DPF3: variants seen among roughly 807,000 people sequenced by gnomAD.
DPF3 encodes the protein zinc finger protein DPF3.
In DPF3, 18 loss-of-function variants were observed where a neutral mutation model predicts 56.8. The ratio of observed to expected loss-of-function variants is 0.32; its 90% confidence interval spans 0.22 to 0.47. The LOEUF (loss-of-function observed/expected upper bound fraction) is 0.47, where lower values mean the gene tolerates loss of function less well. Among genes scored for constraint, DPF3 ranks in the 20% least tolerant of loss-of-function variants. The pLI is 1.00. For missense variants in DPF3, 403 were observed against 488.8 expected (o/e 0.82, Z 1.65); for synonymous variants, 188 against 180.2 (o/e 1.04, Z -0.35).
At chr14:72,809,528 A>C (rs2140014852) in intron 1 of DPF3, among the ~76,000 whole-genome samples, 2 of 152,318 alleles carry the variant, frequency 1.3e-5, no homozygotes, top group Admixed American at 1.3e-4. Flanking sequence ...AGGCCACTAC[A>C]CCAGGGAGGA....
At chr14:72,804,808 T>C (rs928805867) in intron 1 of DPF3, among the ~76,000 whole-genome samples, 1 of 152,150 alleles carries the variant, frequency 6.6e-6, no homozygotes, top group Non-Finnish European at 1.5e-5. Context: ...GGGACGTTGG[T>C]ATAAAATAGG....
chr14:72,709,262 T>C (rs1888551960), intron 6 of DPF3, among the ~76,000 whole-genome samples: 1 of 152,184 alleles, frequency 6.6e-6, no homozygotes, highest in African/African-American at 2.4e-5. Flanking sequence ...AGAGGTGGCC[T>C]TGAGAGGGCC....
chr14:72,803,507 A>T (rs1767569680), intron 1 of DPF3, among the ~76,000 whole-genome samples: 1 of 152,150 alleles, frequency 6.6e-6, no homozygotes, highest in African/African-American at 2.4e-5. Context: ...GGCCATGAAA[A>T]CCTAGTTCTG....
At chr14:72,810,019 C>A (rs1882968205) in intron 1 of DPF3, among the ~76,000 whole-genome samples, 1 of 152,168 alleles carries the variant, frequency 6.6e-6, no homozygotes, top group African/African-American at 2.4e-5. Flanking sequence ...TAGCACTGTG[C>A]CTGTACATGT....
At chr14:72,818,567 C>T (rs1883391490) in intron 1 of DPF3, among the ~76,000 whole-genome samples, 2 of 152,190 alleles carry the variant, frequency 1.3e-5, no homozygotes, top group African/African-American at 4.8e-5. Context: ...GTCCCAGCTA[C>T]ATCGCAGGCT....
rs1235554696 is a variant in DPF3 at position 72,723,672 on chromosome 14, T to C, written c.486A>G (p.Glu162=). The change falls in exon 5 of 11, where the codon GAA becomes GAG. Residue 162 remains glutamate (E), a synonymous_variant. Coordinates refer to ENST00000556509, the MANE Select transcript of DPF3 (RefSeq NM_001280542.3). ...TGTTCTTTCGCTTGGGAATATCCTCTTCCAAATCCTCTTCTTCATTCCCTT... is the reference window on the plus strand; with the variant it reads ...TGTTCTTTCGCTTGGGAATATCCTCCTCCAAATCCTCTTCTTCATTCCCTT... ...VEEGNEEEDL[E]EDIPKRKNRT... 1.9e-6 allele frequency: 3 copies of C among 1,591,038 alleles called. No homozygotes were observed. Among genetic ancestry groups the C allele is most frequent in the East Asian group, 4.6e-5 (2 of 43,842 alleles).
At chr14:72,778,532 A>G (rs1567230007) in intron 1 of DPF3, among the ~76,000 whole-genome samples, 1 of 152,210 alleles carries the variant, frequency 6.6e-6, no homozygotes, top group East Asian at 1.9e-4. Context: ...ACATATTACA[A>G]TGTAATAATA....
Position 72,614,670 on chromosome 14 carries a change from G to A in DPF3, c.*4627C>T, listed in dbSNP as rs146544322. Among the ~76,000 whole-genome samples the A allele has an allele frequency of 4.4e-4, 66 of 151,596 alleles. 1 individual carries two copies. The East Asian group carries it at 8.0e-3, about 18-fold the overall frequency. Reference sequence around the variant, plus strand: ...CTGAAACCCCACACAACCAACGGGCGGCCTCAAGAAAGAGGGAGCTGAATC... The same window carrying A: ...CTGAAACCCCACACAACCAACGGGCAGCCTCAAGAAAGAGGGAGCTGAATC... On this transcript the variant is annotated 3_prime_UTR_variant, in exon 11 of 11. Transcript: ENST00000556509.
chr14:72,750,791 C>CA (rs35754238), intron 3 of DPF3, among the ~76,000 whole-genome samples: 20,233 of 65,904 alleles, frequency 0.31, 5,889 homozygotes, highest in East Asian at 0.52. Flanking sequence ...GAAAGAATCT[C>CA]AAAAAAAAAA....
rs945238387 is a variant in DPF3 at position 72,750,528 on chromosome 14, T to A, written c.301+2736A>T. On this transcript the variant is annotated intron_variant, in intron 3 of 10. Coordinates refer to ENST00000556509, the MANE Select transcript of DPF3 (RefSeq NM_001280542.3). ...GTCCTCATATATACATGCAAAATAT[T>A]CATTGCATCACTCACTGGTTAAATT... Among the ~76,000 whole-genome samples, 8 of 152,110 alleles carry A rather than the reference T, an allele frequency of 5.3e-5. 1 individual carries two copies. The highest frequency in any genetic ancestry group is 1.9e-4 in the African/African-American group (8 of 41,424).
At chr14:72,709,654 A>G (rs1170396305) in intron 6 of DPF3, among the ~76,000 whole-genome samples, 1 of 152,150 alleles carries the variant, frequency 6.6e-6, no homozygotes, top group Non-Finnish European at 1.5e-5. Flanking sequence ...AAGATGTCCT[A>G]GGGTATGGCG....
chr14:72,825,932 G>C (rs2140042608), intron 1 of DPF3, among the ~76,000 whole-genome samples: 1 of 152,208 alleles, frequency 6.6e-6, no homozygotes, highest in Middle Eastern at 3.4e-3. Flanking sequence ...GCCCTTCTCA[G>C]AGATCAATAA....
chr14:72,705,522 A>T (rs1039000846), intron 6 of DPF3, among the ~76,000 whole-genome samples: 30 of 151,900 alleles, frequency 2.0e-4, no homozygotes, highest in African/African-American at 7.0e-4. Context: ...CCGTGGAAAA[A>T]TTTTCTTCCA....
At chr14:72,663,186 T>TAAAAAAAAAAAA (rs1555493398) in intron 8 of DPF3, among the ~76,000 whole-genome samples, 3 of 96,032 alleles carry the variant, frequency 3.1e-5, no homozygotes, top group Non-Finnish European at 2.1e-5. Flanking sequence ...AAAAAAAAAT[T>TAAAAAAAAAAAA]CCCCTCCACT....
At chr14:72,663,614 G>A (rs765882910) in intron 8 of DPF3, among the ~76,000 whole-genome samples, 2 of 152,170 alleles carry the variant, frequency 1.3e-5, no homozygotes, top group Non-Finnish European at 2.9e-5. Flanking sequence ...CTTTGGAACG[G>A]AGTAGTTGAC....
chr14:72,824,842 G>T (rs1215537446), intron 1 of DPF3, among the ~76,000 whole-genome samples: 1 of 151,866 alleles, frequency 6.6e-6, no homozygotes, highest in Admixed American at 6.6e-5. Context: ...AAAGTGCTGG[G>T]ATTACAGGCG....
chr14:72,892,378 C>A, intron 1 of DPF3: 1 of 1,524,742 alleles, frequency 6.6e-7, no homozygotes, highest in Non-Finnish European at 8.8e-7. Flanking sequence ...GGCGTTCAAG[C>A]GCAGTGTATC....
chr14:72,722,111 ATC>A (rs1889199002), intron 5 of DPF3, among the ~76,000 whole-genome samples: 1 of 152,262 alleles, frequency 6.6e-6, no homozygotes, highest in Non-Finnish European at 1.5e-5. Flanking sequence ...TGATAATGAT[ATC>A]TGTTAAAGAC....
At chr14:72,638,983 A>AT (rs1885466248) in intron 8 of DPF3, among the ~76,000 whole-genome samples, 1 of 151,900 alleles carries the variant, frequency 6.6e-6, no homozygotes, top group Admixed American at 6.6e-5. Context: ...TGCCTGGCTA[A>AT]TTTTTTGTAT....
Sources: gnomAD v4.1 joint callset for allele counts (sites outside exome capture counted in the v4.1 genomes callset) on GRCh38, gnomAD v4.1.1 for gene constraint, MANE v1.5 for transcripts, NCBI Gene and HGNC (gene_info 2026-07-23, HGNC 2026-07-21) for gene names.